The following CLASP2 variants were observed in gnomAD, a reference collection of about 807,000 sequenced individuals.
The protein encoded by CLASP2 is CLIP-associating protein 2.
CLASP2 carries 47 observed loss-of-function variants against 194.4 expected under a neutral mutation model. That is an observed-to-expected ratio of 0.24 (90% CI 0.19 to 0.31). The LOEUF is 0.31. Among genes scored for constraint, CLASP2 ranks in the 10% least tolerant of loss-of-function variants. The probability of loss-of-function intolerance (pLI) is 1.00; values close to 1 mark genes in which losing one functional copy is unlikely to be tolerated. For missense variants in CLASP2, 1,445 were observed against 1,823.6 expected, an observed-to-expected ratio of 0.79 and a Z score of 3.78; for synonymous variants, 619 against 633.5, an observed-to-expected ratio of 0.98 and a Z score of 0.34.
At chr3:33,563,867 C>T (rs1348952635) in intron 27 of CLASP2, 1 of 455,842 alleles carries the variant, frequency 2.2e-6, no homozygotes, top group Non-Finnish European at 4.4e-6. Context: ...CTTGGGCTAT[C>T]TGGAAACATA....
chr3:33,638,368 A>C (rs2154300302), intron 8 of CLASP2, among the ~76,000 whole-genome samples: 1 of 152,170 alleles, frequency 6.6e-6, no homozygotes, highest in East Asian at 1.9e-4. Context: ...GCAGTGGCGC[A>C]ATCTCGGCTC....
At chr3:33,632,483 G>T in intron 8 of CLASP2, 112 bp from the exon 9 acceptor site, 2 of 718,996 alleles carry the variant, frequency 2.8e-6, no homozygotes, top group Non-Finnish European at 2.2e-6. Flanking sequence ...TAATTTTAAG[G>T]GATATTCCAT....
At position 33,499,271 on chromosome 3, in the gene CLASP2, TA is replaced by T. The variant is rs1200899346; in HGVS notation, c.4435-555del. On this transcript the variant is annotated intron_variant, in intron 38 of 38. Coordinates refer to ENST00000682230, the MANE Select transcript of CLASP2 (RefSeq NM_001365631.1). ...TTTGCTCACCCTTCTGCCATGATTG[TA>T]AGTTTCCTGAAGCCTCTCCAGCCAT... 9.9e-5 allele frequency among the ~76,000 whole-genome samples: 15 copies of T among 152,168 alleles called. No homozygotes were observed. The South Asian group carries it at 2.7e-3, about 27-fold the overall frequency.
At chr3:33,594,174 T>C (rs908827177) in intron 20 of CLASP2, among the ~76,000 whole-genome samples, 28 of 152,236 alleles carry the variant, frequency 1.8e-4, no homozygotes, top group African/African-American at 6.5e-4. Context: ...GTATTCCAAT[T>C]TAAAACTTAA....
chr3:33,655,288 T>C (rs1276482575), intron 7 of CLASP2, among the ~76,000 whole-genome samples: 3 of 152,270 alleles, frequency 2.0e-5, no homozygotes, highest in African/African-American at 7.2e-5. Flanking sequence ...CCCAACCCCC[T>C]GCACCCGTTA....
intron 6 of CLASP2, among the ~76,000 whole-genome samples, chr3:33,679,713 C>T (rs1427796490): frequency 6.6e-6 from 1 of 152,112 alleles, no homozygotes; most frequent in Non-Finnish European, 1.5e-5. Flanking sequence ...ATGGCCAAAA[C>T]CCAAAACACT....
rs537846651 is a variant in CLASP2 at position 33,667,406 on chromosome 3, CAAAAAA to C, written c.645-3897_645-3892del. Among the ~76,000 whole-genome samples, 77 of 44,130 alleles carry C rather than the reference CAAAAAA, an allele frequency of 1.7e-3. 1 individual carries two copies. The highest frequency in any genetic ancestry group is 2.4e-3 in the Non-Finnish European group (61 of 25,172). 29.0% of individuals were successfully genotyped at this position (44,130 alleles called of 152,430 possible). A position where few individuals can be genotyped will look rare whatever the true frequency, so the allele number is the denominator to read the frequency against. On this transcript the variant is annotated intron_variant, in intron 6 of 38. Coordinates refer to ENST00000682230, the MANE Select transcript of CLASP2 (RefSeq NM_001365631.1). ...CCTGGGTGACAGAGTGAGACTATCTCAAAAAAAAAAAAAAAAAAAAAAGACATTTGA... is the reference window on the plus strand; with the variant it reads ...CCTGGGTGACAGAGTGAGACTATCTCAAAAAAAAAAAAAAAAGACATTTGA...
At chr3:33,510,506 A>T in intron 37 of CLASP2, 52 bp downstream of exon 37, 1 of 1,539,930 alleles carries the variant, frequency 6.5e-7, no homozygotes, top group Non-Finnish European at 9.0e-7. Context: ...ACCTAAAATA[A>T]CTGTATCCCA....
rs1202058425 is a variant in CLASP2 at position 33,644,842 on chromosome 3, G to C, written c.777C>G (p.Ala259=). The change falls in exon 8 of 39, where the codon GCC becomes GCG. Residue 259 remains alanine, a synonymous_variant. Coordinates refer to ENST00000682230, the MANE Select transcript of CLASP2 (RefSeq NM_001365631.1). ...DGNRPSSAAS[A]FKVPAPKTSG... ...ATGTTTTAGGTGCAGGAACCTTGAA[G>C]GCTGATGCAGCTGATGATGGCCTAT... 1 of 1,611,256 alleles carries C rather than the reference G, an allele frequency of 6.2e-7. No homozygotes were observed. Among genetic ancestry groups the C allele is most frequent in the Non-Finnish European group, 8.5e-7 (1 of 1,178,612 alleles).
At chr3:33,550,168 C>T (rs1037175647) in intron 30 of CLASP2, among the ~76,000 whole-genome samples, 1 of 151,912 alleles carries the variant, frequency 6.6e-6, no homozygotes, top group Non-Finnish European at 1.5e-5. Context: ...TTTTGGGAGG[C>T]TAAGGTGGGC....
At chr3:33,622,004 G>T in intron 11 of CLASP2, 131 bp downstream of exon 11, 1 of 616,678 alleles carries the variant, frequency 1.6e-6, no homozygotes, top group African/African-American at 1.9e-5. Flanking sequence ...GAATCCTTAT[G>T]TATAATAAAA....
chr3:33,577,068 AGTT>A, intron 23 of CLASP2: 1 of 788,250 alleles, frequency 1.3e-6, no homozygotes. Flanking sequence ...AGAAAAAAAA[AGTT>A]TATTCTCCAA....
chr3:33,541,066 T>A (rs570568456), intron 32 of CLASP2, among the ~76,000 whole-genome samples: 1 of 152,238 alleles, frequency 6.6e-6, no homozygotes, highest in Non-Finnish European at 1.5e-5. Flanking sequence ...AATGAATTAT[T>A]GTGGAAGATA....
chr3:33,552,116 ATTTTTTTT>A (rs760891395), intron 29 of CLASP2, among the ~76,000 whole-genome samples: 11 of 135,274 alleles, frequency 8.1e-5, no homozygotes, highest in South Asian at 2.3e-4. Context: ...TGGGTTTATA[ATTTTTTTT>A]TTTTTTTTTT....
chr3:33,566,660 A>G, intron 27 of CLASP2, 72 bp downstream of exon 27: 1 of 420,292 alleles, frequency 2.4e-6, no homozygotes, highest in Non-Finnish European at 4.7e-6. Flanking sequence ...TGGGAGAGAA[A>G]ATAGAGAAAA....
intron 14 of CLASP2, 101 bp downstream of exon 14, chr3:33,608,466 T>C (rs1385358311): frequency 5.3e-6 from 5 of 947,030 alleles, no homozygotes; most frequent in South Asian, 1.5e-5. Flanking sequence ...CAAATAACCT[T>C]TGAAGCAAAA....
intron 26 of CLASP2, among the ~76,000 whole-genome samples, chr3:33,567,278 T>A (rs1012424056): frequency 1.3e-5 from 2 of 152,218 alleles, no homozygotes; most frequent in Non-Finnish European, 2.9e-5. Flanking sequence ...CTAGGTAAGA[T>A]GTGTGTTATG....
intron 7 of CLASP2, among the ~76,000 whole-genome samples, chr3:33,646,444 A>G (rs1384381500): frequency 2.0e-5 from 3 of 152,126 alleles, no homozygotes; most frequent in African/African-American, 7.2e-5. Context: ...ATAAGCTTAA[A>G]ACCTATGCAG....
At chr3:33,545,288 G>T (rs2058982128) in intron 30 of CLASP2, among the ~76,000 whole-genome samples, 9 of 152,124 alleles carry the variant, frequency 5.9e-5, no homozygotes, top group Admixed American at 5.9e-4. Context: ...GATCAGTCAA[G>T]AAAAGTTATA....
Sources: allele counts gnomAD v4.1 joint callset (sites outside exome capture counted in the v4.1 genomes callset), GRCh38; gene constraint gnomAD v4.1.1; transcripts MANE v1.5; gene names NCBI Gene and HGNC (gene_info 2026-07-23, HGNC 2026-07-21).